The following TRPV1 variants were observed in gnomAD, a reference collection of about 807,000 sequenced individuals.
TRPV1 encodes the protein transient receptor potential cation channel subfamily V member 1, also known as OTRPC1.
In TRPV1, 82 loss-of-function variants were observed where a neutral mutation model predicts 82.3. The observed-to-expected ratio is 1.00, with a 90% CI of 0.83 to 1.20. The LOEUF is 1.20. Ranked by LOEUF, TRPV1 falls within the 50% of genes most tolerant of loss-of-function variation. TRPV1 has a pLI of 0.00. For missense variants in TRPV1, 1,067 were observed against 1,096.8 expected (o/e 0.97, Z 0.38); for synonymous variants, 515 against 467.7 (o/e 1.10, Z -1.30).
intron 2 of TRPV1, among the ~76,000 whole-genome samples, chr17:3,596,535 CCA>C (rs1274098591): frequency 6.6e-6 from 1 of 152,224 alleles, no homozygotes; most frequent in Non-Finnish European, 1.5e-5. Context: ...CTCGTCCACT[CCA>C]CAGAGAGGGC....
At chr17:3,589,762 C>A in intron 7 of TRPV1, 45 bp downstream of exon 7, 1 of 1,568,300 alleles carries the variant, frequency 6.4e-7, no homozygotes, top group Non-Finnish European at 8.6e-7. Context: ...TCTCCCATGC[C>A]ATCAGCCCCG....
intron 3 of TRPV1, among the ~76,000 whole-genome samples, chr17:3,591,769 A>G (rs1440489635): frequency 6.6e-6 from 1 of 152,182 alleles, no homozygotes. Flanking sequence ...CTTGCAGCTC[A>G]CTGGAGCTGT....
At chr17:3,569,458 T>A (rs979873849) in intron 16 of TRPV1, among the ~76,000 whole-genome samples, 1 of 152,134 alleles carries the variant, frequency 6.6e-6, no homozygotes, top group East Asian at 1.9e-4. Flanking sequence ...AAAACTGCAA[T>A]TCCCAAGAGA....
chr17:3,601,016 C>G (rs1567676456), intron 2 of TRPV1, among the ~76,000 whole-genome samples: 1 of 152,068 alleles, frequency 6.6e-6, no homozygotes, highest in Admixed American at 6.5e-5. Flanking sequence ...GTGAAGCCCA[C>G]AAGCCCCCTC....
chr17:3,571,051 C>A (rs1482719348), intron 16 of TRPV1, among the ~76,000 whole-genome samples: 1 of 152,190 alleles, frequency 6.6e-6, no homozygotes, highest in Non-Finnish European at 1.5e-5. Context: ...CATCCCCTTT[C>A]TTCTTCTCAC....
chr17:3,568,014 C>T (rs1316200176), intron 16 of TRPV1, among the ~76,000 whole-genome samples: 1 of 152,124 alleles, frequency 6.6e-6, no homozygotes, highest in Admixed American at 6.5e-5. Context: ...ACTAAATCAA[C>T]AAGAGTGACA....
Position 3,580,885 on chromosome 17 carries a change from G to A in TRPV1, c.1477-358C>T, listed in dbSNP as rs139637980. Among the ~76,000 whole-genome samples, 746 of 152,244 alleles carry A rather than the reference G, an allele frequency of 4.9e-3. 10 individuals carry two copies. Among genetic ancestry groups the A allele is most frequent in the Middle Eastern group, 0.02 (6 of 294 alleles). The stretch of plus-strand genomic sequence containing the variant: ...TACAAAACAATTAGCTGCGCGTGGT[G>A]GCGGGCACCTGTAATCCCAGCTACT... On this transcript the variant is annotated intron_variant, in intron 10 of 16. Coordinates refer to ENST00000572705, the MANE Select transcript of TRPV1 (RefSeq NM_080704.4).
chr17:3,604,733 G>T (rs988154544), intron 2 of TRPV1, among the ~76,000 whole-genome samples: 9 of 152,198 alleles, frequency 5.9e-5, no homozygotes, highest in Non-Finnish European at 1.3e-4. Context: ...GGGAGGAAAA[G>T]CAGCGGCTGG....
chr17:3,567,014 G>A, intron 16 of TRPV1, 27 bp from the exon 17 acceptor site: 3 of 1,608,908 alleles, frequency 1.9e-6, no homozygotes, highest in Non-Finnish European at 2.5e-6. Flanking sequence ...TTACTACCTT[G>A]GATGCAACAA....
At chr17:3,603,715 T>C (rs534799253) in intron 2 of TRPV1, among the ~76,000 whole-genome samples, 376 of 152,328 alleles carry the variant, frequency 2.5e-3, no homozygotes, top group Middle Eastern at 0.014. Context: ...CTCGAAGTTA[T>C]GACTAATTGT....
intron 7 of TRPV1, among the ~76,000 whole-genome samples, chr17:3,589,453 C>T (rs554880498): frequency 1.3e-5 from 2 of 152,208 alleles, no homozygotes; most frequent in African/African-American, 4.8e-5. Context: ...CCACCCACGT[C>T]GGCCTCCCAA....
intron 10 of TRPV1, among the ~76,000 whole-genome samples, chr17:3,582,059 G>A (rs1258458198): frequency 7.1e-5 from 10 of 140,726 alleles, no homozygotes; most frequent in South Asian, 7.0e-4. Context: ...GCGTGGTGGC[G>A]GGTGCCTGTA....
rs1055697944 is a variant in TRPV1 at position 3,594,455 on chromosome 17, G to A, written c.-33-2072C>T. Among the ~76,000 whole-genome samples, 4 of 152,100 alleles carry A rather than the reference G, an allele frequency of 2.6e-5. No homozygotes were observed. In the East Asian group the frequency reaches 7.7e-4, roughly 29 times the overall value. On this transcript the variant is annotated intron_variant, in intron 2 of 16. Coordinates refer to ENST00000572705, the MANE Select transcript of TRPV1 (RefSeq NM_080704.4). ...CTCCAGAGCACACAACTGGGCCATG[G>A]CTGTAAACCAGCTACGTTCTGAATC...
At chr17:3,580,060 G>C (rs983271262) in intron 11 of TRPV1, among the ~76,000 whole-genome samples, 2 of 119,786 alleles carry the variant, frequency 1.7e-5, no homozygotes, top group South Asian at 5.8e-4. Context: ...CCACAACTAA[G>C]CACTACCCAG....
At chr17:3,572,084 G>T (rs1345921973) in intron 15 of TRPV1, 38 bp downstream of exon 15, 2 of 1,602,034 alleles carry the variant, frequency 1.2e-6, no homozygotes, top group Non-Finnish European at 1.7e-6. Flanking sequence ...GAGCCCCAAA[G>T]CTCCCAAGCC....
Position 3,566,587 on chromosome 17 carries a change from G to C in TRPV1, c.*228C>G. 1 of 486,146 alleles carries C rather than the reference G, an allele frequency of 2.1e-6. No homozygotes were observed. Among genetic ancestry groups the C allele is most frequent in the Non-Finnish European group, 3.6e-6 (1 of 278,312 alleles). The allele number at this position is 486,146 out of a possible 1,614,324, so 30.1% of individuals were successfully genotyped here. A position where few individuals can be genotyped will look rare whatever the true frequency, so the allele number is the denominator to read the frequency against. On this transcript the variant is annotated 3_prime_UTR_variant, in exon 17 of 17. Coordinates refer to ENST00000572705, the MANE Select transcript of TRPV1 (RefSeq NM_080704.4). ...TGTTTAGTAAAGTGAGTAAAAACCTGAAAGTCTGTTAGGAGATTCACTTGG... is the reference window on the plus strand; with the variant it reads ...TGTTTAGTAAAGTGAGTAAAAACCTCAAAGTCTGTTAGGAGATTCACTTGG...
chr17:3,603,862 C>T lies in TRPV1; in HGVS notation c.-34+4565G>A, dbSNP rs147869454. Among the ~76,000 whole-genome samples, 501 of 152,234 alleles carry T rather than the reference C, an allele frequency of 3.3e-3. 2 individuals carry two copies. Among genetic ancestry groups the T allele is most frequent in the African/African-American group, 0.011 (470 of 41,538 alleles). ...GCTGAGGGGAGAGGCCAGGTGAGAC[C>T]CTCTCTCCTGAGGGCCCACCATGTG... is the stretch of plus-strand genomic sequence containing the variant. On this transcript the variant is annotated intron_variant, in intron 2 of 16. Transcript: ENST00000572705.
At chr17:3,583,743 G>C (rs1442839394) in intron 9 of TRPV1, among the ~76,000 whole-genome samples, 1 of 152,194 alleles carries the variant, frequency 6.6e-6, no homozygotes, top group Non-Finnish European at 1.5e-5. Flanking sequence ...GTGATGGAGA[G>C]GTGGAAGCAC....
At chr17:3,581,945 C>G (rs1476570230) in intron 10 of TRPV1, among the ~76,000 whole-genome samples, 5 of 146,696 alleles carry the variant, frequency 3.4e-5, no homozygotes, top group African/African-American at 1.2e-4. Flanking sequence ...AATCCCAGCA[C>G]TTTGGGAGGC....
Sources: gnomAD v4.1 joint callset for allele counts (sites outside exome capture counted in the v4.1 genomes callset) on GRCh38, gnomAD v4.1.1 for gene constraint, MANE v1.5 for transcripts, NCBI Gene and HGNC (gene_info 2026-07-23, HGNC 2026-07-21) for gene names.